Variants in LRP5 observed in about 807,000 individuals in gnomAD.
LRP5 encodes the protein LDL receptor related protein 5.
Under a neutral mutation model 154.1 loss-of-function variants are expected in LRP5, and 62 were observed. That is an observed-to-expected ratio of 0.40 (90% confidence interval 0.33 to 0.50). LRP5 has a LOEUF of 0.50. Among genes scored for constraint, LRP5 ranks in the 20% least tolerant of loss-of-function variants. The pLI is 0.55. For missense variants in LRP5, 1,915 were observed against 2,336.7 expected (o/e 0.82, Z 3.72); for synonymous variants, 966 against 1,011.5 (o/e 0.96, Z 0.85).
Position 68,446,544 on chromosome 11 carries a change from C to A in LRP5, c.4586+11C>A. The stretch of plus-strand genomic sequence containing the variant: ...TGCGAGACCGTACAGGTAGGACATC[C>A]CCTGCAGCCCTCCATGGCCATTGGG... On this transcript the variant is annotated intron_variant, in intron 22 of 22. Transcript: ENST00000294304. 1 of 1,606,448 alleles carries A rather than the reference C, an allele frequency of 6.2e-7. No individual in the cohort carries two copies. Among genetic ancestry groups the A allele is most frequent in the Non-Finnish European group, 8.5e-7 (1 of 1,173,136 alleles).
At chr11:68,366,554 G>A (rs548048801) in intron 5 of LRP5, among the ~76,000 whole-genome samples, 21 of 152,256 alleles carry the variant, frequency 1.4e-4, no homozygotes, top group South Asian at 8.3e-4. Flanking sequence ...GTGTGTGGTC[G>A]TGGCGCCCGT....
intron 7 of LRP5, among the ~76,000 whole-genome samples, chr11:68,391,370 C>T (rs188002746): frequency 1.0e-3 from 155 of 152,344 alleles, no homozygotes; most frequent in African/African-American, 3.2e-3. Flanking sequence ...TGCCTCTCCT[C>T]GGGGTGGATG....
At position 68,423,634 on chromosome 11, in the gene LRP5, T is replaced by TG. The variant is rs752933404; in HGVS notation, c.3178dup (p.Val1060GlyfsTer78). 1 of 1,614,002 alleles carries TG rather than the reference T, an allele frequency of 6.2e-7. No homozygotes were observed. The highest frequency in any genetic ancestry group is 1.1e-5 in the South Asian group (1 of 91,076). ...GTCCACAGGCTGAGCGGGGAAGCCA[T>TG]GGGGGTGGTGCTGCGTGGGGACCGC... is the stretch of plus-strand genomic sequence containing the variant. On this transcript the variant is annotated frameshift_variant, in exon 14 of 23. Transcript: ENST00000294304. LOFTEE classifies it high-confidence loss of function. This position sits in a 1 kb window ranked among gnomAD's most constrained non-coding sequence, Gnocchi z 4.7.
chr11:68,420,766 G>A (rs901997641), intron 13 of LRP5, among the ~76,000 whole-genome samples: 4 of 151,812 alleles, frequency 2.6e-5, no homozygotes, highest in African/African-American at 9.7e-5. Context: ...ATCCATCCAC[G>A]GGTGCTAGGT....
rs375502287 is a variant in LRP5, at chr11:68,440,177, G to A, written c.4488+261G>A. ...CCTCCTAGAGTGGCTGTTGGGCTCC[G>A]TCAGCATCCAGGCGGCCGTCTGTGT... On this transcript the variant is annotated intron_variant, in intron 21 of 22. Coordinates refer to ENST00000294304, the MANE Select transcript of LRP5 (RefSeq NM_002335.4). 3.9e-5 allele frequency among the ~76,000 whole-genome samples: 6 copies of A among 152,300 alleles called. No individual in the cohort carries two copies. The East Asian group carries it at 1.2e-3, about 29-fold the overall frequency.
intron 1 of LRP5, among the ~76,000 whole-genome samples, chr11:68,318,139 C>T (rs2098594510): frequency 6.6e-6 from 1 of 151,362 alleles, no homozygotes; most frequent in African/African-American, 2.4e-5. Context: ...ACTGCAAGCT[C>T]CACCTCCCAG....
intron 8 of LRP5, 130 bp from the exon 9 acceptor site, chr11:68,406,394 G>C: frequency 5.1e-6 from 5 of 986,638 alleles, no homozygotes; most frequent in Non-Finnish European, 8.1e-6. Flanking sequence ...GACCTGACCC[G>C]GGGGTGAGTC....
chr11:68,336,932 C>G (rs2098606014), intron 1 of LRP5, among the ~76,000 whole-genome samples: 1 of 152,246 alleles, frequency 6.6e-6, no homozygotes, highest in Non-Finnish European at 1.5e-5. Context: ...AACAGACTTT[C>G]TTGACCACAA....
At chr11:68,415,192 G>C (rs1374237151) in intron 12 of LRP5, among the ~76,000 whole-genome samples, 1 of 152,306 alleles carries the variant, frequency 6.6e-6, no homozygotes, top group East Asian at 1.9e-4. Context: ...TGGTTCTTCG[G>C]ATCCTGGTAC....
intron 1 of LRP5, among the ~76,000 whole-genome samples, chr11:68,314,673 C>T (rs2098591682): frequency 1.3e-5 from 2 of 152,344 alleles, no homozygotes; most frequent in South Asian, 2.1e-4. Flanking sequence ...TCCTCGGGGC[C>T]CAAGTGCTTG....
chr11:68,448,849 T>C lies in LRP5; in HGVS notation c.4627T>C (p.Cys1543Arg), dbSNP rs1289559758. 1 of 1,611,300 alleles carries C rather than the reference T, an allele frequency of 6.2e-7. No homozygotes were observed. The highest frequency in any genetic ancestry group is 8.5e-7 in the Non-Finnish European group (1 of 1,179,990). ...AGGAATGGCGCCCCCGACGACGCCC[T>C]GCAGCACCGACGTGTGTGACAGCGA... is the stretch of plus-strand genomic sequence containing the variant. ...IRGMAPPTTPCSTDVCDSDYS... is the reference protein window; with the variant it reads ...IRGMAPPTTPRSTDVCDSDYS... The change falls in exon 23 of 23, where the codon TGC becomes CGC. Residue 1543 changes from cysteine to arginine, a missense_variant. Transcript: ENST00000294304.
At chr11:68,330,285 G>A (rs961297113) in intron 1 of LRP5, among the ~76,000 whole-genome samples, 29 of 146,084 alleles carry the variant, frequency 2.0e-4, no homozygotes, top group Non-Finnish European at 3.5e-4. Context: ...AGATACAGAC[G>A]TTCGCCCAAT....
In LRP5 at chr11:68,437,252, C is replaced by T. The variant is rs3736231; in HGVS notation, c.4111+253C>T. 0.12 allele frequency among the ~76,000 whole-genome samples: 18,502 copies of T among 152,238 alleles called. 1,631 individuals are homozygous for T. The highest frequency in any genetic ancestry group is 0.25 in the African/African-American group (10,176 of 41,514). ...GGGGCTGATGGTGTCCAGGTGCCTG[C>T]AGCACGCACCCACCCACGGGACCTT... On this transcript the variant is annotated intron_variant, in intron 19 of 22. Coordinates refer to ENST00000294304, the MANE Select transcript of LRP5 (RefSeq NM_002335.4).
intron 1 of LRP5, among the ~76,000 whole-genome samples, chr11:68,338,023 C>CGT (rs141880069): frequency 3.3e-5 from 5 of 152,068 alleles, no homozygotes; most frequent in Admixed American, 6.6e-5. Context: ...TTTGTGTGTG[C>CGT]GTGTGTGTGT....
intron 21 of LRP5, among the ~76,000 whole-genome samples, chr11:68,442,814 G>A (rs1008466970): frequency 6.6e-6 from 1 of 152,204 alleles, no homozygotes; most frequent in Admixed American, 6.5e-5. Flanking sequence ...GGCCTGGGTC[G>A]TTCGGTTGGT....
At chr11:68,435,637 G>C (rs1347169786) in intron 18 of LRP5, among the ~76,000 whole-genome samples, 1 of 152,144 alleles carries the variant, frequency 6.6e-6, no homozygotes, top group African/African-American at 2.4e-5. Flanking sequence ...CCCAAACACT[G>C]CCCACCAGGC....
intron 10 of LRP5, 73 bp downstream of exon 10, chr11:68,410,213 A>G: frequency 7.9e-7 from 1 of 1,261,206 alleles, no homozygotes; most frequent in Non-Finnish European, 1.1e-6. Flanking sequence ...CAACTGGGCA[A>G]GGTGGCAGGC....
In LRP5 at chr11:68,411,454, G is replaced by A; in HGVS notation, c.2337G>A (p.Glu779=). ...CTTCCAGCTACATCTACTGGACCGA[G>A]TGGGGCGGCAAGCCGAGGATCGTGC... The part of the protein sequence containing the change: ...DPTKGYIYWT[E]WGGKPRIVRA... The change falls in exon 11 of 23, where the codon GAG becomes GAA. Residue 779 remains glutamate (E), a synonymous_variant. Coordinates refer to ENST00000294304, the MANE Select transcript of LRP5 (RefSeq NM_002335.4). 6.2e-7 allele frequency: 1 copy of A among 1,612,386 alleles called. No homozygotes were observed. Among genetic ancestry groups the A allele is most frequent in the Middle Eastern group, 1.8e-4 (1 of 5,462 alleles).
At chr11:68,418,885 C>T (rs552521088) in intron 13 of LRP5, among the ~76,000 whole-genome samples, 1 of 152,316 alleles carries the variant, frequency 6.6e-6, no homozygotes, top group East Asian at 1.9e-4. Flanking sequence ...GGCTCCCATG[C>T]TGAGAAAGCT....
Sources: allele counts gnomAD v4.1 joint callset (sites outside exome capture counted in the v4.1 genomes callset), GRCh38; gene constraint gnomAD v4.1.1; non-coding constraint Gnocchi (gnomAD v3.1); transcripts MANE v1.5; gene names NCBI Gene and HGNC (gene_info 2026-07-23, HGNC 2026-07-21).